The following SNTB1 variants were observed in gnomAD, a reference collection of about 807,000 sequenced individuals.
SNTB1 encodes the protein beta-1-syntrophin.
Under a neutral mutation model 48.9 loss-of-function variants are expected in SNTB1, and 36 were observed. The observed-to-expected ratio is 0.74, with a 90% CI of 0.56 to 0.97. The LOEUF (loss-of-function observed/expected upper bound fraction) is 0.97. SNTB1 is among the 50% of genes least tolerant of loss of function. The probability of loss-of-function intolerance (pLI) is 0.00; values close to 1 mark genes in which losing one functional copy is unlikely to be tolerated. For synonymous variants in SNTB1, 299 were observed against 294.6 expected, an observed-to-expected ratio of 1.01 and a Z score of -0.15; for missense variants, 786 against 703.4, an observed-to-expected ratio of 1.12 and a Z score of -1.33.
intron 1 of SNTB1, among the ~76,000 whole-genome samples, chr8:120,782,316 T>C (rs1819842312): frequency 1.3e-5 from 2 of 152,166 alleles, no homozygotes; most frequent in Admixed American, 6.5e-5. Context: ...GATTTCAATA[T>C]ATGAATTTTG....
intron 2 of SNTB1, among the ~76,000 whole-genome samples, chr8:120,658,283 T>A (rs775258305): frequency 1.7e-4 from 26 of 152,256 alleles, no homozygotes; most frequent in Non-Finnish European, 2.6e-4. Flanking sequence ...CAAGAGAGTA[T>A]GCTGAAGAGG....
intron 2 of SNTB1, among the ~76,000 whole-genome samples, chr8:120,641,131 T>C (rs1021293335): frequency 6.6e-6 from 1 of 152,166 alleles, no homozygotes; most frequent in Non-Finnish European, 1.5e-5. Context: ...GACTTTTAGG[T>C]TCTTTTCAAA....
chr8:120,717,062 C>G (rs1020290233), intron 1 of SNTB1, among the ~76,000 whole-genome samples: 1 of 152,180 alleles, frequency 6.6e-6, no homozygotes, highest in Non-Finnish European at 1.5e-5. Flanking sequence ...TCATCACGCT[C>G]CAGGCATTCT....
intron 1 of SNTB1, among the ~76,000 whole-genome samples, chr8:120,755,185 A>AGC (rs1819297681): frequency 6.6e-6 from 1 of 150,522 alleles, no homozygotes; most frequent in Admixed American, 6.6e-5. Context: ...AGAGAGAGAG[A>AGC]GAGCGAGAGA....
intron 1 of SNTB1, among the ~76,000 whole-genome samples, chr8:120,699,337 G>C (rs1308641500): frequency 6.6e-6 from 1 of 152,210 alleles, no homozygotes; most frequent in Non-Finnish European, 1.5e-5. Context: ...GGGCCTAGTG[G>C]AGGTATTGGA....
At chr8:120,545,972 G>A (rs1815373814) in intron 5 of SNTB1, among the ~76,000 whole-genome samples, 1 of 152,156 alleles carries the variant, frequency 6.6e-6, no homozygotes, top group Non-Finnish European at 1.5e-5. Flanking sequence ...TTTTGTAGAT[G>A]AGGAAACTAA....
chr8:120,547,393 C>T (rs536812914), intron 5 of SNTB1, among the ~76,000 whole-genome samples: 3 of 152,012 alleles, frequency 2.0e-5, no homozygotes, highest in African/African-American at 4.8e-5. Flanking sequence ...GTCAGGAGTT[C>T]GAGACCAGCC....
intron 1 of SNTB1, among the ~76,000 whole-genome samples, chr8:120,799,967 T>G (rs1207829426): frequency 2.0e-5 from 3 of 152,104 alleles, no homozygotes; most frequent in African/African-American, 7.2e-5. Flanking sequence ...CATGACTTTT[T>G]GAAAAATCAC....
intron 4 of SNTB1, among the ~76,000 whole-genome samples, chr8:120,567,660 A>G (rs1490269885): frequency 6.6e-6 from 1 of 151,970 alleles, no homozygotes; most frequent in Non-Finnish European, 1.5e-5. Flanking sequence ...GGCTCAAGCA[A>G]TCCTCCCACC....
At chr8:120,545,049 T>C (rs1815354343) in intron 5 of SNTB1, among the ~76,000 whole-genome samples, 1 of 152,154 alleles carries the variant, frequency 6.6e-6, no homozygotes, top group South Asian at 2.1e-4. Context: ...TCTTTCAGAA[T>C]ACTACTGGGT....
intron 2 of SNTB1, chr8:120,636,823 C>A: frequency 5.9e-6 from 1 of 170,658 alleles, no homozygotes; most frequent in Non-Finnish European, 1.3e-5. Flanking sequence ...GCCACACTGA[C>A]TTCCACAATG....
At chr8:120,639,617 A>G (rs1159085557) in intron 2 of SNTB1, among the ~76,000 whole-genome samples, 1 of 152,164 alleles carries the variant, frequency 6.6e-6, no homozygotes, top group East Asian at 1.9e-4. Context: ...TTTTTCCAGC[A>G]CCATTTATTA....
intron 1 of SNTB1, among the ~76,000 whole-genome samples, chr8:120,788,518 G>A (rs1819965244): frequency 6.6e-6 from 1 of 151,940 alleles, no homozygotes; most frequent in Admixed American, 6.6e-5. Context: ...GGAATCTTAT[G>A]GACCCAAGGT....
At position 120,649,930 on chromosome 8, in the gene SNTB1, CCAGGTGCTGTCCAT is replaced by C. The variant is rs577758500; in HGVS notation, c.789-17293_789-17280del. Among the ~76,000 whole-genome samples, 11 of 152,310 alleles carry C rather than the reference CCAGGTGCTGTCCAT, an allele frequency of 7.2e-5. No homozygotes were observed. The East Asian group carries it at 2.1e-3, about 29-fold the overall frequency. ...ATTCGGGTGGGAGTGACCCGATTTT[CCAGGTGCTGTCCAT>C]CACCCCTTTCTTTGACTCAGAAAGG... On this transcript the variant is annotated intron_variant, in intron 2 of 6. Transcript: ENST00000517992.
At chr8:120,637,166 C>T in intron 2 of SNTB1, 1 of 315,404 alleles carries the variant, frequency 3.2e-6, no homozygotes, top group East Asian at 8.6e-5. Context: ...CATAAGCAAA[C>T]ATGGGGGAGA....
At chr8:120,791,247 T>G (rs1252555643) in intron 1 of SNTB1, among the ~76,000 whole-genome samples, 3 of 151,754 alleles carry the variant, frequency 2.0e-5, no homozygotes, top group Non-Finnish European at 4.4e-5. Flanking sequence ...AATGGCCACA[T>G]GTAGAAGAAT....
intron 1 of SNTB1, among the ~76,000 whole-genome samples, chr8:120,778,186 C>G (rs1178442902): frequency 1.3e-5 from 2 of 152,204 alleles, no homozygotes; most frequent in South Asian, 4.1e-4. Context: ...AAGTTCACTT[C>G]GGGCTTAGAT....
In SNTB1 at chr8:120,535,864, C is replaced by T. The variant is rs528938308; in HGVS notation, c.*3013G>A. ...TCCAGATACATCCAAAAATTACCCC[C>T]TCACTGTAGCCTACTCCAATCCCCT... On this transcript the variant is annotated 3_prime_UTR_variant, in exon 7 of 7. Coordinates refer to ENST00000517992, the MANE Select transcript of SNTB1 (RefSeq NM_021021.4). 6.6e-6 allele frequency: 1 copy of T among 152,240 alleles called. No homozygotes were observed. Among genetic ancestry groups the T allele is most frequent in the Non-Finnish European group, 1.5e-5 (1 of 68,022 alleles). The allele number at this position is 152,240 out of a possible 1,614,324, so 9.4% of individuals were successfully genotyped here.
chr8:120,683,873 C>T (rs1281974347), intron 2 of SNTB1, among the ~76,000 whole-genome samples: 1 of 152,084 alleles, frequency 6.6e-6, no homozygotes, highest in Non-Finnish European at 1.5e-5. Context: ...ATCCTGCCAC[C>T]AATTAGAGGA....
Sources: allele counts gnomAD v4.1 joint callset (sites outside exome capture counted in the v4.1 genomes callset), GRCh38; gene constraint gnomAD v4.1.1; transcripts MANE v1.5; gene names NCBI Gene and HGNC (gene_info 2026-07-23, HGNC 2026-07-21).